The following MAP2K6 variants were observed in gnomAD, a reference collection of about 807,000 sequenced individuals.
MAP2K6 encodes mitogen-activated protein kinase kinase 6.
A neutral mutation model predicts 53.7 loss-of-function variants in MAP2K6; 16 were observed. The ratio of observed to expected loss-of-function variants is 0.30; its 90% CI spans 0.20 to 0.45. The LOEUF (loss-of-function observed/expected upper bound fraction) is 0.45. Ranked by LOEUF, MAP2K6 falls within the 20% of genes least tolerant of loss-of-function variation. The pLI is 1.00. For synonymous variants in MAP2K6, 132 were observed against 143.1 expected (o/e 0.92, Z 0.55); for missense variants, 204 against 411.9 (o/e 0.50, Z 4.37).
At chr17:69,505,911 A>G in intron 2 of MAP2K6, 65 bp downstream of exon 2, 2 of 1,404,526 alleles carry the variant, frequency 1.4e-6, no homozygotes, top group Non-Finnish European at 2.0e-6. Context: ...CTGGGGGTTT[A>G]TTTTTGGACT....
At position 69,423,559 on chromosome 17, in the gene MAP2K6, T is replaced by C. The variant is rs141810026; in HGVS notation, c.16+8559T>C. Reference sequence around the variant, plus strand: ...CAGAAACATTCCTCTCTGGCTTTAATTGGAAGTTGTTAACCTGGATAACTA... The same window carrying C: ...CAGAAACATTCCTCTCTGGCTTTAACTGGAAGTTGTTAACCTGGATAACTA... On this transcript the variant is annotated intron_variant, in intron 1 of 11. Transcript: ENST00000590474. Among the ~76,000 whole-genome samples the C allele has an allele frequency of 4.9e-3, 750 of 152,310 alleles. 9 individuals are homozygous for C. The highest frequency in any genetic ancestry group is 0.017 in the African/African-American group (707 of 41,572).
At chr17:69,474,999 A>G (rs1908096485) in intron 1 of MAP2K6, among the ~76,000 whole-genome samples, 1 of 152,190 alleles carries the variant, frequency 6.6e-6, no homozygotes, top group African/African-American at 2.4e-5. Context: ...GAGGACTCAA[A>G]TTGAGACAAA....
chr17:69,509,866 G>C (rs1177603172), intron 2 of MAP2K6, among the ~76,000 whole-genome samples: 2 of 151,922 alleles, frequency 1.3e-5, no homozygotes, highest in African/African-American at 4.8e-5. Flanking sequence ...TTTTGAGACA[G>C]GGTCTCACTC....
At chr17:69,464,180 G>T (rs917599667) in intron 1 of MAP2K6, among the ~76,000 whole-genome samples, 1 of 151,738 alleles carries the variant, frequency 6.6e-6, no homozygotes, top group African/African-American at 2.4e-5. Flanking sequence ...TGCCTCCTGG[G>T]TTCAAGCGAT....
At chr17:69,487,130 C>G (rs1024522204) in intron 1 of MAP2K6, among the ~76,000 whole-genome samples, 1 of 152,178 alleles carries the variant, frequency 6.6e-6, no homozygotes, top group Admixed American at 6.6e-5. Flanking sequence ...GGATTTAATC[C>G]TGGACTTTTT....
chr17:69,551,945 G>A lies in MAP2K6; in HGVS notation c.*10192G>A, dbSNP rs547516282. 2 of 152,230 alleles carry A rather than the reference G, an allele frequency of 1.3e-5. No homozygotes were observed. Among genetic ancestry groups the A allele is most frequent in the East Asian group, 3.9e-4 (2 of 5,182 alleles). 9.4% of individuals were successfully genotyped at this position (152,230 alleles called of 1,614,324 possible). ...GACACTAGAATTTCTTTATGGAATT[G>A]AACTTTACAAGAATTTTAATAAAAG... On this transcript the variant is annotated 3_prime_UTR_variant, in exon 12 of 12. Transcript: ENST00000590474.
chr17:69,496,509 C>T lies in MAP2K6; in HGVS notation c.17-9271C>T, dbSNP rs867706778. Among the ~76,000 whole-genome samples, 3 of 152,166 alleles carry T rather than the reference C, an allele frequency of 2.0e-5. No individual in the cohort carries two copies. In the South Asian group the frequency reaches 6.2e-4, roughly 32 times the overall value. Reference sequence around the variant, plus strand: ...TCAGCCTCCGGAGTAGCTGGGATTACAGGCGTGTGCCCCACGCCCGGCTAA... The same window carrying T: ...TCAGCCTCCGGAGTAGCTGGGATTATAGGCGTGTGCCCCACGCCCGGCTAA... On this transcript the variant is annotated intron_variant, in intron 1 of 11. Coordinates refer to ENST00000590474, the MANE Select transcript of MAP2K6 (RefSeq NM_002758.4).
Position 69,505,061 on chromosome 17 carries a change from C to A in MAP2K6, c.17-719C>A, listed in dbSNP as rs141146380. ...TGGGTTACTAAGATAAGGGTGACCACCCTTTACTAACACTAAAAAGAAAAA... is the reference window on the plus strand; with the variant it reads ...TGGGTTACTAAGATAAGGGTGACCAACCTTTACTAACACTAAAAAGAAAAA... On this transcript the variant is annotated intron_variant, in intron 1 of 11. Transcript: ENST00000590474. Among the ~76,000 whole-genome samples the A allele has an allele frequency of 8.5e-4, 129 of 151,438 alleles. 1 individual carries two copies. The highest frequency in any genetic ancestry group is 1.7e-3 in the Admixed American group (26 of 15,184).
Position 69,526,650 on chromosome 17 carries a change from A to G in MAP2K6, c.822A>G (p.Pro274=). The G allele has an allele frequency of 6.2e-7, 1 of 1,614,152 alleles. No homozygotes were observed. ...FQQLKQVVEE[P]SPQLPADKFS... is the part of the protein sequence containing the mutation. The stretch of plus-strand genomic sequence containing the variant: ...AGCTCAAACAGGTGGTAGAGGAGCC[A>G]TCGCCACAACTCCCAGCAGACAAGT... The change falls in exon 10 of 12, where the codon CCA becomes CCG. Residue 274 remains proline, a synonymous_variant. Transcript: ENST00000590474.
At chr17:69,517,221 C>T (rs995867854) in intron 3 of MAP2K6, among the ~76,000 whole-genome samples, 22 of 151,666 alleles carry the variant, frequency 1.5e-4, no homozygotes, top group African/African-American at 4.4e-4. Flanking sequence ...GGCTAAAGAA[C>T]TTCAGTGAAA....
intron 1 of MAP2K6, among the ~76,000 whole-genome samples, chr17:69,490,830 A>G (rs1297304236): frequency 6.6e-6 from 1 of 152,056 alleles, no homozygotes; most frequent in Non-Finnish European, 1.5e-5. Context: ...TATTAAGCCT[A>G]GTACCCATTA....
At chr17:69,518,700 C>CA (rs1910302124) in intron 4 of MAP2K6, among the ~76,000 whole-genome samples, 1 of 152,250 alleles carries the variant, frequency 6.6e-6, no homozygotes, top group East Asian at 1.9e-4. Flanking sequence ...TGCTGACTTG[C>CA]TAAGTAGGCA....
intron 1 of MAP2K6, among the ~76,000 whole-genome samples, chr17:69,479,008 G>C (rs747781768): frequency 7.9e-5 from 12 of 152,080 alleles, no homozygotes; most frequent in Non-Finnish European, 1.5e-4. Context: ...TATTGAATGT[G>C]TGTGTCTCCA....
chr17:69,524,235 A>G (rs1910644324), intron 8 of MAP2K6, among the ~76,000 whole-genome samples: 1 of 152,126 alleles, frequency 6.6e-6, no homozygotes, highest in South Asian at 2.1e-4. Flanking sequence ...ATTTGAAAAA[A>G]TATATACACA....
intron 1 of MAP2K6, among the ~76,000 whole-genome samples, chr17:69,463,692 A>G (rs1036136194): frequency 2.2e-4 from 34 of 151,450 alleles, no homozygotes; most frequent in Non-Finnish European, 2.5e-4. Context: ...ACACACACAT[A>G]TATACACACA....
chr17:69,452,314 A>G (rs1035647610), intron 1 of MAP2K6, among the ~76,000 whole-genome samples: 3 of 151,956 alleles, frequency 2.0e-5, no homozygotes, highest in African/African-American at 7.3e-5. Context: ...TGAATTTGAC[A>G]CATTCTGCCC....
intron 2 of MAP2K6, among the ~76,000 whole-genome samples, chr17:69,506,565 A>G (rs1909495413): frequency 6.6e-6 from 1 of 152,150 alleles, no homozygotes; most frequent in Non-Finnish European, 1.5e-5. Context: ...AGACAGGGCA[A>G]GGGCAAAGAG....
At chr17:69,435,609 A>G (rs1007629174) in intron 1 of MAP2K6, 1 of 152,128 alleles carries the variant, frequency 6.6e-6, no homozygotes, top group African/African-American at 2.4e-5. Flanking sequence ...GAAGTTTTCA[A>G]GGAAAGAACA....
chr17:69,492,650 A>T (rs948937979), intron 1 of MAP2K6, among the ~76,000 whole-genome samples: 4 of 152,172 alleles, frequency 2.6e-5, no homozygotes, highest in African/African-American at 4.8e-5. Flanking sequence ...TTGCAGCTGC[A>T]TCACCAAAGT....
Sources: gnomAD v4.1 joint callset for allele counts (sites outside exome capture counted in the v4.1 genomes callset) on GRCh38, gnomAD v4.1.1 for gene constraint, MANE v1.5 for transcripts, NCBI Gene and HGNC (gene_info 2026-07-23, HGNC 2026-07-21) for gene names.